The following NRXN3 variants were observed in gnomAD, a reference collection of about 807,000 sequenced individuals.
NRXN3 encodes neurexin III.
In NRXN3, 32 loss-of-function variants were observed where a neutral mutation model predicts 137.6. The ratio of observed to expected loss-of-function variants is 0.23; its 90% CI spans 0.18 to 0.31. The LOEUF (loss-of-function observed/expected upper bound fraction) is 0.31, where lower values mean the gene tolerates loss of function less well. NRXN3 is among the 10% of genes least tolerant of loss of function. The pLI is 1.00. For missense variants in NRXN3, 1,574 were observed against 2,062.5 expected, an observed-to-expected ratio of 0.76 and a Z score of 4.59; for synonymous variants, 798 against 784.5, an observed-to-expected ratio of 1.02 and a Z score of -0.29.
In NRXN3 at chr14:78,965,968, G is replaced by T. The variant is rs189072590; in HGVS notation, c.2396-57G>T. 5.1e-3 allele frequency: 7,895 copies of T among 1,562,870 alleles called. 25 individuals carry two copies. The highest frequency in any genetic ancestry group is 6.3e-3 in the Non-Finnish European group (7,275 of 1,150,102). On this transcript the variant is annotated intron_variant, in intron 11 of 20. Coordinates refer to ENST00000335750, the MANE Select transcript of NRXN3 (RefSeq NM_001330195.2). The stretch of plus-strand genomic sequence containing the variant: ...TTACACCCAAAAAATATACTTGAGG[G>T]TGCTGTGATAAATGATGGTAACTTT...
At chr14:79,654,319 TA>T (rs1339129299) in intron 16 of NRXN3, among the ~76,000 whole-genome samples, 1 of 151,672 alleles carries the variant, frequency 6.6e-6, no homozygotes, top group African/African-American at 2.4e-5. Context: ...AAATTAAACT[TA>T]AATTAAACTT....
At chr14:79,534,365 C>T (rs2097194131) in intron 16 of NRXN3, among the ~76,000 whole-genome samples, 1 of 152,170 alleles carries the variant, frequency 6.6e-6, no homozygotes, top group Non-Finnish European at 1.5e-5. Flanking sequence ...AGTTCTAAGA[C>T]TGATAATCCC....
chr14:78,733,254 CATT>C (rs557893078), intron 8 of NRXN3, among the ~76,000 whole-genome samples: 63 of 151,614 alleles, frequency 4.2e-4, no homozygotes, highest in African/African-American at 1.3e-3. Flanking sequence ...GTGCTCAACA[CATT>C]GTTGTTGACG....
chr14:78,621,252 A>G (rs1478468002), intron 4 of NRXN3, among the ~76,000 whole-genome samples: 1 of 152,044 alleles, frequency 6.6e-6, no homozygotes, highest in African/African-American at 2.4e-5. Flanking sequence ...ATAAGACAGC[A>G]TTTTTCTTTT....
intron 6 of NRXN3, among the ~76,000 whole-genome samples, chr14:78,681,919 G>A (rs2098079898): frequency 6.6e-6 from 1 of 152,070 alleles, no homozygotes; most frequent in African/African-American, 2.4e-5. Context: ...TCAGGCTGGA[G>A]TCCAGTGGCA....
At chr14:78,590,092 A>G (rs2097103266) in intron 4 of NRXN3, among the ~76,000 whole-genome samples, 1 of 152,242 alleles carries the variant, frequency 6.6e-6, no homozygotes, top group Non-Finnish European at 1.5e-5. Context: ...CAGTCAGGCA[A>G]GTGGCTAAGG....
chr14:79,620,607 C>A (rs578187767), intron 16 of NRXN3, among the ~76,000 whole-genome samples: 17 of 152,164 alleles, frequency 1.1e-4, no homozygotes, highest in East Asian at 5.8e-4. Context: ...GAATTTATGC[C>A]TGAATGAATG....
intron 10 of NRXN3, among the ~76,000 whole-genome samples, chr14:78,862,580 T>C (rs375610381): frequency 6.6e-6 from 1 of 152,156 alleles, no homozygotes; most frequent in South Asian, 2.1e-4. Context: ...ATTTATATAA[T>C]GTATAATTAT....
At chr14:79,358,667 A>AAGAAAGTG (rs1566903569) in intron 15 of NRXN3, among the ~76,000 whole-genome samples, 1 of 150,136 alleles carries the variant, frequency 6.7e-6, no homozygotes, top group Non-Finnish European at 1.5e-5. Flanking sequence ...GAAAGAAAGA[A>AAGAAAGTG]AGTGTCCTAA....
chr14:79,283,343 C>T (rs550935100), intron 15 of NRXN3, among the ~76,000 whole-genome samples: 1 of 152,226 alleles, frequency 6.6e-6, no homozygotes, highest in South Asian at 2.1e-4. Flanking sequence ...CTTCCCTTGC[C>T]CATTTCCTGA....
intron 4 of NRXN3, among the ~76,000 whole-genome samples, chr14:78,361,509 C>G (rs2085112230): frequency 6.6e-6 from 1 of 152,170 alleles, no homozygotes; most frequent in Admixed American, 6.6e-5. Flanking sequence ...GTCATCTCTC[C>G]TGTAGTTAAT....
At chr14:78,451,635 G>T (rs2094553754) in intron 4 of NRXN3, among the ~76,000 whole-genome samples, 1 of 152,152 alleles carries the variant, frequency 6.6e-6, no homozygotes, top group South Asian at 2.1e-4. Flanking sequence ...AAGAAAGACT[G>T]TAATAAACGA....
At chr14:79,173,342 C>T (rs548568083) in intron 15 of NRXN3, among the ~76,000 whole-genome samples, 30 of 151,722 alleles carry the variant, frequency 2.0e-4, no homozygotes, top group Non-Finnish European at 2.9e-4. Flanking sequence ...CCAGCCTGGG[C>T]GACATGATGA....
chr14:78,271,198 C>G lies in NRXN3; in HGVS notation c.710-7447C>G, dbSNP rs576664019. 3.9e-5 allele frequency among the ~76,000 whole-genome samples: 6 copies of G among 152,312 alleles called. No individual in the cohort carries two copies. In the South Asian group the frequency reaches 8.3e-4, roughly 21 times the overall value. On this transcript the variant is annotated intron_variant, in intron 2 of 20. Coordinates refer to ENST00000335750, the MANE Select transcript of NRXN3 (RefSeq NM_001330195.2). The stretch of plus-strand genomic sequence containing the variant: ...ATGTATAGAACTGCTTCCTCTATTA[C>G]GTGTCACTGATGAAGTTTATAGGTG...
intron 16 of NRXN3, among the ~76,000 whole-genome samples, chr14:79,580,278 T>C (rs1174777253): frequency 2.0e-5 from 3 of 152,200 alleles, no homozygotes; most frequent in Non-Finnish European, 4.4e-5. Context: ...CTTTGATATA[T>C]TGATTTCTTT....
intron 10 of NRXN3, among the ~76,000 whole-genome samples, chr14:78,946,664 C>T (rs1567786711): frequency 6.6e-6 from 1 of 152,222 alleles, no homozygotes; most frequent in African/African-American, 2.4e-5. Flanking sequence ...ATGAGGAACT[C>T]AGGGTGCATG....
intron 12 of NRXN3, 44 bp downstream of exon 12, chr14:78,966,450 A>T (rs762672570): frequency 3.8e-6 from 6 of 1,561,734 alleles, no homozygotes; most frequent in Non-Finnish European, 5.2e-6. Flanking sequence ...CCTTTAATCT[A>T]CTGAAGCTCT....
chr14:78,485,939 T>G (rs2095553753), intron 4 of NRXN3, among the ~76,000 whole-genome samples: 1 of 152,194 alleles, frequency 6.6e-6, no homozygotes. Context: ...TAGTTTAGAG[T>G]TGTTTGATGA....
intron 15 of NRXN3, among the ~76,000 whole-genome samples, chr14:79,003,893 C>G (rs756961469): frequency 2.6e-5 from 4 of 152,072 alleles, no homozygotes; most frequent in Non-Finnish European, 4.4e-5. Flanking sequence ...CCTGTGGGCT[C>G]TGTGAAACCC....
Sources: gnomAD v4.1 joint callset for allele counts (sites outside exome capture counted in the v4.1 genomes callset) on GRCh38, gnomAD v4.1.1 for gene constraint, MANE v1.5 for transcripts, NCBI Gene and HGNC (gene_info 2026-07-23, HGNC 2026-07-21) for gene names.